LRRC4C: variants seen among roughly 807,000 people sequenced by gnomAD.
LRRC4C encodes leucine-rich repeat-containing protein 4C.
A neutral mutation model predicts 33.6 loss-of-function variants in LRRC4C; 5 were observed. The ratio of observed to expected loss-of-function variants is 0.15; its 90% CI spans 0.08 to 0.31. The LOEUF is 0.31. Among genes scored for constraint, LRRC4C ranks in the 10% least tolerant of loss-of-function variants. LRRC4C has a pLI of 1.00. For missense variants in LRRC4C, 560 were observed against 796.7 expected (o/e 0.70, Z 3.58); for synonymous variants, 329 against 302.0 (o/e 1.09, Z -0.93).
At chr11:40,522,853 A>G (rs1232108938) in intron 3 of LRRC4C, among the ~76,000 whole-genome samples, 2 of 152,176 alleles carry the variant, frequency 1.3e-5, no homozygotes, top group Non-Finnish European at 2.9e-5. Context: ...TTCAAGTTCC[A>G]TCATGTTACG....
intron 6 of LRRC4C, among the ~76,000 whole-genome samples, chr11:40,122,710 G>A (rs1201561894): frequency 5.3e-5 from 8 of 151,808 alleles, no homozygotes; most frequent in Non-Finnish European, 4.4e-5. Context: ...TACACAAGGT[G>A]TAATACTCAT....
chr11:41,441,196 T>C lies in LRRC4C; in HGVS notation c.-496+18235A>G, dbSNP rs374507234. Among the ~76,000 whole-genome samples the C allele has an allele frequency of 3.3e-5, 5 of 152,302 alleles. No individual in the cohort carries two copies. In the South Asian group the frequency reaches 8.3e-4, roughly 25 times the overall value. ...TATAACTGAATATGCTAAGGGAATC[T>C]GAATGTCTTAAGCAGAGTCAAGAAT... On this transcript the variant is annotated intron_variant, in intron 1 of 6. Transcript: ENST00000528697.
At chr11:40,900,669 C>T (rs1008322563) in intron 2 of LRRC4C, among the ~76,000 whole-genome samples, 1 of 151,734 alleles carries the variant, frequency 6.6e-6, no homozygotes, top group Admixed American at 6.6e-5. Flanking sequence ...TCAATATCAA[C>T]ACCAAATCTA....
At chr11:40,825,657 AT>A (rs952570561) in intron 2 of LRRC4C, among the ~76,000 whole-genome samples, 1 of 151,894 alleles carries the variant, frequency 6.6e-6, no homozygotes, top group African/African-American at 2.4e-5. Flanking sequence ...CCTGGCCTTC[AT>A]TTTTCCCACC....
chr11:41,239,075 G>A (rs528023790), intron 1 of LRRC4C, among the ~76,000 whole-genome samples: 1 of 151,210 alleles, frequency 6.6e-6, no homozygotes, highest in South Asian at 2.1e-4. Context: ...CAGCACTTTG[G>A]GAGGCCGAGG....
chr11:41,251,372 G>A (rs560349456), intron 1 of LRRC4C, among the ~76,000 whole-genome samples: 7 of 152,166 alleles, frequency 4.6e-5, no homozygotes, highest in East Asian at 1.9e-4. Flanking sequence ...ACCTGGATTC[G>A]TCTGTTTCTT....
intron 1 of LRRC4C, among the ~76,000 whole-genome samples, chr11:41,210,575 T>A (rs1233733996): frequency 1.3e-5 from 2 of 152,114 alleles, no homozygotes; most frequent in African/African-American, 4.8e-5. Flanking sequence ...AATACAATGA[T>A]CCTTTGGTCA....
intron 1 of LRRC4C, among the ~76,000 whole-genome samples, chr11:41,255,935 G>A (rs1328676883): frequency 6.6e-6 from 1 of 151,924 alleles, no homozygotes. Flanking sequence ...AAGAAGCAGA[G>A]TAGCTTGATA....
chr11:41,431,632 AGTGT>A (rs571043020), intron 1 of LRRC4C, among the ~76,000 whole-genome samples: 2,458 of 125,418 alleles, frequency 0.02, 21 homozygotes, highest in Non-Finnish European at 0.033. Context: ...GATTTCTAAG[AGTGT>A]GTGTGTGTGT....
chr11:41,253,892 C>T (rs758726566), intron 1 of LRRC4C, among the ~76,000 whole-genome samples: 4 of 151,998 alleles, frequency 2.6e-5, no homozygotes, highest in Non-Finnish European at 4.4e-5. Context: ...TTTAGTGAAC[C>T]AGGCACAGGG....
chr11:41,354,479 T>C (rs1952089594), intron 1 of LRRC4C, among the ~76,000 whole-genome samples: 1 of 152,098 alleles, frequency 6.6e-6, no homozygotes, highest in South Asian at 2.1e-4. Flanking sequence ...GCTATTCCTA[T>C]AAAATTACAA....
intron 2 of LRRC4C, among the ~76,000 whole-genome samples, chr11:40,854,493 G>A (rs1358371692): frequency 6.6e-6 from 1 of 152,136 alleles, no homozygotes; most frequent in African/African-American, 2.4e-5. Flanking sequence ...TTCACAATAT[G>A]TGAGGATTTT....
intron 6 of LRRC4C, among the ~76,000 whole-genome samples, chr11:40,127,083 C>T (rs1292596541): frequency 6.6e-6 from 1 of 152,070 alleles, no homozygotes; most frequent in African/African-American, 2.4e-5. Context: ...TCGAGACCAT[C>T]CTGGTGAACA....
At chr11:40,285,082 C>G (rs1441242005) in intron 4 of LRRC4C, among the ~76,000 whole-genome samples, 1 of 152,072 alleles carries the variant, frequency 6.6e-6, no homozygotes, top group Non-Finnish European at 1.5e-5. Context: ...TGATATGCAC[C>G]AGGCACTGTA....
chr11:40,577,199 A>G (rs1011036789), intron 3 of LRRC4C, among the ~76,000 whole-genome samples: 6 of 152,176 alleles, frequency 3.9e-5, no homozygotes, highest in African/African-American at 1.4e-4. Context: ...GCAACCCAAA[A>G]TTAATACTTC....
intron 1 of LRRC4C, among the ~76,000 whole-genome samples, chr11:40,945,267 G>A (rs1315030561): frequency 2.0e-5 from 3 of 151,814 alleles, no homozygotes; most frequent in South Asian, 4.2e-4. Flanking sequence ...TGATCCACCC[G>A]TCTCGGCCTC....
At chr11:40,237,117 A>G (rs1301314265) in intron 5 of LRRC4C, among the ~76,000 whole-genome samples, 1 of 152,210 alleles carries the variant, frequency 6.6e-6, no homozygotes, top group Non-Finnish European at 1.5e-5. Context: ...ACAAGTCCAT[A>G]TTGCTGACTA....
chr11:40,303,860 G>T (rs952739863), intron 4 of LRRC4C, among the ~76,000 whole-genome samples: 11 of 152,150 alleles, frequency 7.2e-5, no homozygotes, highest in Non-Finnish European at 1.3e-4. Flanking sequence ...TCTGCCTGAT[G>T]AAGTGCTTTC....
intron 3 of LRRC4C, among the ~76,000 whole-genome samples, chr11:40,585,242 C>A (rs1243112272): frequency 6.6e-6 from 1 of 152,016 alleles, no homozygotes; most frequent in East Asian, 1.9e-4. Flanking sequence ...CCTCTGTAAC[C>A]CAAAATCGGA....
Sources: gnomAD v4.1 joint callset for allele counts (sites outside exome capture counted in the v4.1 genomes callset) on GRCh38, gnomAD v4.1.1 for gene constraint, MANE v1.5 for transcripts, NCBI Gene and HGNC (gene_info 2026-07-23, HGNC 2026-07-21) for gene names.